The following TRUB2 variants were observed in gnomAD, a reference collection of about 807,000 sequenced individuals.
TRUB2 encodes pseudouridylate synthase TRUB2, mitochondrial.
Under a neutral mutation model 31.9 loss-of-function variants are expected in TRUB2, and 31 were observed. That is an observed-to-expected ratio of 0.97 (90% CI 0.73 to 1.31). TRUB2 has a LOEUF of 1.31. Ranked by LOEUF, TRUB2 falls within the 50% of genes most tolerant of loss-of-function variation. TRUB2 has a pLI of 0.00. For synonymous variants in TRUB2, 201 were observed against 182.6 expected, an observed-to-expected ratio of 1.10 and a Z score of -0.81; for missense variants, 451 against 439.6, an observed-to-expected ratio of 1.03 and a Z score of -0.23.
At chr9:128,315,765 A>G (rs1832058169) in intron 3 of TRUB2, 137 bp from the exon 4 acceptor site, 1 of 957,032 alleles carries the variant, frequency 1.0e-6, no homozygotes, top group African/African-American at 1.6e-5. Context: ...AAGATCTTCT[A>G]CAGGGGGCAG....
rs1461055870 is a variant in TRUB2, at chr9:128,306,386, T to C, written c.*3164A>G. On this transcript the variant is annotated 3_prime_UTR_variant, in exon 8 of 8. Coordinates refer to ENST00000372890, the MANE Select transcript of TRUB2 (RefSeq NM_015679.3). ...ACCCTCCACTCCCACCCAGCTTTCC[T>C]CACCATTTCATTGGATTCTGCTTGT... 2.6e-5 allele frequency: 4 copies of C among 151,808 alleles called. No individual in the cohort carries two copies. The highest frequency in any genetic ancestry group is 5.9e-5 in the Non-Finnish European group (4 of 67,952). The allele number at this position is 151,808 out of a possible 1,614,324, so 9.4% of individuals were successfully genotyped here. A position where few individuals can be genotyped will look rare whatever the true frequency, so the allele number is the denominator to read the frequency against.
chr9:128,321,783 T>C, intron 1 of TRUB2, 53 bp from the exon 2 acceptor site: 3 of 1,535,802 alleles, frequency 2.0e-6, no homozygotes, highest in East Asian at 2.5e-5. Flanking sequence ...TATGTACATA[T>C]AAAATATTTT....
chr9:128,318,485 CCTGAAGA>C (rs1206044690), intron 2 of TRUB2, among the ~76,000 whole-genome samples: 2 of 152,076 alleles, frequency 1.3e-5, no homozygotes, highest in Non-Finnish European at 2.9e-5. Context: ...ACAAGTCAAA[CCTGAAGA>C]CTGAAGACTG....
rs1196940172 is a variant in TRUB2, at chr9:128,306,242, TCA to T, written c.*3306_*3307del. The T allele has an allele frequency of 6.6e-6, 1 of 152,068 alleles. No homozygotes were observed. The highest frequency in any genetic ancestry group is 2.4e-5 in the African/African-American group (1 of 41,402). The allele number at this position is 152,068 out of a possible 1,614,324, so 9.4% of individuals were successfully genotyped here. The stretch of plus-strand genomic sequence containing the variant: ...GCTATCCTGAGATCATGAGAGGCCA[TCA>T]CAGAGTCCACTTTTATCATCTCTAT... On this transcript the variant is annotated 3_prime_UTR_variant, in exon 8 of 8. Coordinates refer to ENST00000372890, the MANE Select transcript of TRUB2 (RefSeq NM_015679.3).
In TRUB2 at chr9:128,317,317, C is replaced by T. The variant is rs926470053; in HGVS notation, c.242-91G>A. On this transcript the variant is annotated intron_variant, in intron 2 of 7. Coordinates refer to ENST00000372890, the MANE Select transcript of TRUB2 (RefSeq NM_015679.3). ...ATGTTGACCTCGTTCTCAGAATGGG[C>T]CTCATGGAGCCCAAACTAGCATCAG... 1.3e-4 allele frequency: 156 copies of T among 1,164,388 alleles called. 2 individuals are homozygous for T. The South Asian group carries it at 1.9e-3, about 14-fold the overall frequency. 72.1% of individuals were successfully genotyped at this position (1,164,388 alleles called of 1,614,324 possible). A position where few individuals can be genotyped will look rare whatever the true frequency, so the allele number is the denominator to read the frequency against.
chr9:128,310,362 TA>T (rs1169770689), intron 7 of TRUB2, among the ~76,000 whole-genome samples: 2 of 151,588 alleles, frequency 1.3e-5, no homozygotes, highest in Non-Finnish European at 1.5e-5. Flanking sequence ...TTATGAGGAG[TA>T]AAAGAAATCA....
chr9:128,315,013 T>A (rs2131448765), intron 4 of TRUB2, among the ~76,000 whole-genome samples: 1 of 152,336 alleles, frequency 6.6e-6, no homozygotes, highest in South Asian at 2.1e-4. Flanking sequence ...ATTTGTGCCC[T>A]TAACCACTAA....
chr9:128,321,810 C>A, intron 1 of TRUB2, 80 bp from the exon 2 acceptor site: 2 of 1,439,986 alleles, frequency 1.4e-6, no homozygotes, highest in African/African-American at 1.4e-5. Context: ...GACAGGGCCT[C>A]GTTCTGTAGC....
In TRUB2 at chr9:128,311,614, G is replaced by T; in HGVS notation, c.461-13C>A. ...CTGGTCACGTGGTCTGGAAAAGGCA[G>T]GGGGTTGTCAATGTACAGGTACCTG... On this transcript the variant is annotated splice_polypyrimidine_tract_variant and intron_variant, in intron 5 of 7. Coordinates refer to ENST00000372890, the MANE Select transcript of TRUB2 (RefSeq NM_015679.3). 6.2e-7 allele frequency: 1 copy of T among 1,613,908 alleles called. No homozygotes were observed. The highest frequency in any genetic ancestry group is 2.2e-5 in the East Asian group (1 of 44,862).
chr9:128,311,699 A>G, intron 5 of TRUB2, 98 bp from the exon 6 acceptor site: 10 of 1,329,570 alleles, frequency 7.5e-6, no homozygotes, highest in Non-Finnish European at 1.1e-5. Context: ...TGGAACATGG[A>G]GAGAGGATGT....
intron 6 of TRUB2, 188 bp from the exon 7 acceptor site, chr9:128,311,211 A>G: frequency 2.7e-6 from 2 of 746,818 alleles, no homozygotes; most frequent in Admixed American, 2.9e-5. Context: ...CTGGCTCCAG[A>G]GCCCAAGCTC....
chr9:128,315,453 A>C, intron 4 of TRUB2, 114 bp downstream of exon 4: 1 of 1,031,530 alleles, frequency 9.7e-7, no homozygotes, highest in Non-Finnish European at 1.5e-6. Flanking sequence ...CATCAAAAAA[A>C]TGCTTGCTTA....
In TRUB2 at chr9:128,306,733, G is replaced by A. The variant is rs1304984545; in HGVS notation, c.*2817C>T. The A allele has an allele frequency of 1.3e-5, 2 of 148,944 alleles. No homozygotes were observed. Among genetic ancestry groups the A allele is most frequent in the African/African-American group, 4.9e-5 (2 of 40,544 alleles). The allele number at this position is 148,944 out of a possible 1,614,324, so 9.2% of individuals were successfully genotyped here. Reference sequence around the variant, plus strand: ...TTACAGGCGTGAGCCACCGTGCCCAGCCTTTTTTTTTTTCTTTTCTGAGAC... The same window carrying A: ...TTACAGGCGTGAGCCACCGTGCCCAACCTTTTTTTTTTTCTTTTCTGAGAC... On this transcript the variant is annotated 3_prime_UTR_variant, in exon 8 of 8. Transcript: ENST00000372890.
At chr9:128,319,197 G>A (rs1286241943) in intron 2 of TRUB2, among the ~76,000 whole-genome samples, 1 of 152,006 alleles carries the variant, frequency 6.6e-6, no homozygotes, top group Non-Finnish European at 1.5e-5. Context: ...GTGGTGGCGG[G>A]CGCCTGTAGT....
At position 128,309,845 on chromosome 9, in the gene TRUB2, T is replaced by A; in HGVS notation, c.701A>T (p.Glu234Val). 1 of 1,614,120 alleles carries A rather than the reference T, an allele frequency of 6.2e-7. No homozygotes were observed. Among genetic ancestry groups the A allele is most frequent in the Non-Finnish European group, 8.5e-7 (1 of 1,179,998 alleles). ...EVQCMHETQK[E>V]LRKLVHEIGL... Reference sequence around the variant, plus strand: ...GATTTCATGAACCAACTTCCGCAGCTCTTTCTGCGTCTCATGCATGCACTG... The same window carrying A: ...GATTTCATGAACCAACTTCCGCAGCACTTTCTGCGTCTCATGCATGCACTG... The change falls in exon 8 of 8, where the codon GAG becomes GTG. Residue 234 changes from glutamate (E) to valine (V), a missense_variant. By Grantham distance (121) the Glu-to-Val change is moderately radical. Coordinates refer to ENST00000372890, the MANE Select transcript of TRUB2 (RefSeq NM_015679.3).
chr9:128,314,004 C>A, intron 4 of TRUB2, 115 bp from the exon 5 acceptor site: 1 of 849,902 alleles, frequency 1.2e-6, no homozygotes, highest in Non-Finnish European at 1.9e-6. Context: ...AGCTCATGTG[C>A]CCAGCCCCTG....
At chr9:128,313,713 G>A (rs1832018194) in intron 5 of TRUB2, 95 bp downstream of exon 5, 2 of 1,100,930 alleles carry the variant, frequency 1.8e-6, no homozygotes, top group East Asian at 4.7e-5. Flanking sequence ...TGTGTGCAGT[G>A]GAACTGAGAA....
chr9:128,310,858 C>T, intron 7 of TRUB2, 29 bp downstream of exon 7: 4 of 1,613,260 alleles, frequency 2.5e-6, no homozygotes, highest in South Asian at 1.1e-5. Flanking sequence ...GGTCCCATCT[C>T]ACTGCTCCAA....
At position 128,305,717 on chromosome 9, in the gene TRUB2, C is replaced by T. The variant is rs946466701; in HGVS notation, c.*3833G>A. The T allele has an allele frequency of 6.6e-6, 1 of 152,114 alleles. No individual in the cohort carries two copies. The highest frequency in any genetic ancestry group is 1.5e-5 in the Non-Finnish European group (1 of 68,072). 9.4% of individuals were successfully genotyped at this position (152,114 alleles called of 1,614,324 possible). ...TGGGTGGCTTTTTCTTTTTTTCTGA[C>T]ATAGGGTCTCGCTCTGTTGCCCAGG... On this transcript the variant is annotated 3_prime_UTR_variant, in exon 8 of 8. Coordinates refer to ENST00000372890, the MANE Select transcript of TRUB2 (RefSeq NM_015679.3).
Sources: allele counts gnomAD v4.1 joint callset (sites outside exome capture counted in the v4.1 genomes callset), GRCh38; gene constraint gnomAD v4.1.1; transcripts MANE v1.5; gene names NCBI Gene and HGNC (gene_info 2026-07-23, HGNC 2026-07-21).